Variants in ESRRB observed in about 807,000 individuals in gnomAD.
ESRRB encodes the protein steroid hormone receptor ERR2.
A neutral mutation model predicts 46.0 loss-of-function variants in ESRRB; 16 were observed. The observed-to-expected ratio is 0.35, with a 90% CI of 0.24 to 0.53. ESRRB has a LOEUF of 0.53. ESRRB is among the 20% of genes least tolerant of loss of function. The probability of loss-of-function intolerance (pLI) is 0.93; values close to 1 mark genes in which losing one functional copy is unlikely to be tolerated. For missense variants in ESRRB, 488 were observed against 607.4 expected (o/e 0.80, Z 2.07); for synonymous variants, 246 against 259.6 (o/e 0.95, Z 0.50).
chr14:76,332,553 TA>T, intron 1 of ESRRB, among the ~76,000 whole-genome samples: 1 of 62,520 alleles, frequency 1.6e-5, no homozygotes, highest in African/African-American at 6.2e-5. Flanking sequence ...TATATTTATA[TA>T]ATATATATTT....
intron 2 of ESRRB, 49 bp from the exon 3 acceptor site, chr14:76,462,490 AGGTGGG>A: frequency 7.4e-7 from 1 of 1,360,266 alleles, no homozygotes; most frequent in South Asian, 1.2e-5. Flanking sequence ...CTGCGCTGGC[AGGTGGG>A]GGCCCTGGGC....
chr14:76,336,457 G>A (rs148080389), intron 1 of ESRRB, among the ~76,000 whole-genome samples: 425 of 152,350 alleles, frequency 2.8e-3, no homozygotes, highest in Non-Finnish European at 3.8e-3. Flanking sequence ...GGGCAGAAAG[G>A]CCCATGACCT....
chr14:76,324,395 A>G (rs1421131531), intron 1 of ESRRB, among the ~76,000 whole-genome samples: 1 of 152,128 alleles, frequency 6.6e-6, no homozygotes, highest in Non-Finnish European at 1.5e-5. Context: ...TGCAGCTGTT[A>G]GCAGCTGGGG....
intron 1 of ESRRB, among the ~76,000 whole-genome samples, chr14:76,433,755 C>A (rs561787592): frequency 1.3e-5 from 2 of 152,230 alleles, no homozygotes; most frequent in African/African-American, 2.4e-5. Flanking sequence ...TGTCCCCAGA[C>A]ACTTCCTGAC....
chr14:76,423,426 G>A (rs1017637807), intron 1 of ESRRB, among the ~76,000 whole-genome samples: 1 of 152,164 alleles, frequency 6.6e-6, no homozygotes, highest in African/African-American at 2.4e-5. Flanking sequence ...TTACAGGCGT[G>A]AGCCACCGCG....
At chr14:76,440,971 C>T (rs1048058164) in intron 2 of ESRRB, among the ~76,000 whole-genome samples, 1 of 152,180 alleles carries the variant, frequency 6.6e-6, no homozygotes, top group Non-Finnish European at 1.5e-5. Flanking sequence ...TCGCTTGAAC[C>T]CGGGAGGTGG....
intron 1 of ESRRB, among the ~76,000 whole-genome samples, chr14:76,407,770 G>A (rs1886252580): frequency 6.6e-6 from 1 of 152,238 alleles, no homozygotes; most frequent in African/African-American, 2.4e-5. Context: ...GGGGGACAGA[G>A]GTGCTGGCAC....
chr14:76,351,765 T>TAAACCAACAAGAAAC (rs1335509063), intron 1 of ESRRB, among the ~76,000 whole-genome samples: 7 of 152,036 alleles, frequency 4.6e-5, no homozygotes, highest in African/African-American at 1.7e-4. Context: ...CCTCTTCTCA[T>TAAACCAACAAGAAAC]AAACCAACAA....
intron 6 of ESRRB, among the ~76,000 whole-genome samples, chr14:76,496,566 G>A (rs974245255): frequency 6.6e-6 from 1 of 152,170 alleles, no homozygotes; most frequent in African/African-American, 2.4e-5. Context: ...GTACAGGGAG[G>A]CAGGAAGGGT....
chr14:76,382,143 G>A (rs918500295), intron 1 of ESRRB, among the ~76,000 whole-genome samples: 1 of 152,206 alleles, frequency 6.6e-6, no homozygotes, highest in Non-Finnish European at 1.5e-5. Context: ...TTCCACCGTG[G>A]GAAACCTGTG....
chr14:76,440,320 T>G (rs1260034051), intron 2 of ESRRB, among the ~76,000 whole-genome samples: 1 of 152,050 alleles, frequency 6.6e-6, no homozygotes, highest in Non-Finnish European at 1.5e-5. Context: ...ATTTTTAAAT[T>G]AATGCATGGT....
At chr14:76,360,524 T>A (rs1884450378) in intron 1 of ESRRB, among the ~76,000 whole-genome samples, 1 of 152,152 alleles carries the variant, frequency 6.6e-6, no homozygotes, top group South Asian at 2.1e-4. Context: ...TGGGCAAGTA[T>A]GCAAACCTTC....
chr14:76,380,155 T>A (rs995880075), intron 1 of ESRRB, among the ~76,000 whole-genome samples: 3 of 152,268 alleles, frequency 2.0e-5, no homozygotes, highest in Middle Eastern at 3.4e-3. Context: ...TTAAAGATAA[T>A]CTAAACTCAT....
rs144356184 is a variant in ESRRB at position 76,403,235 on chromosome 14, G to T, written c.50+26784G>T. Among the ~76,000 whole-genome samples the T allele has an allele frequency of 2.0e-4, 31 of 152,256 alleles. No individual in the cohort carries two copies. In the East Asian group the frequency reaches 5.0e-3, roughly 25 times the overall value. ...TCTCATTTTACAGATAAAGAAATAC[G>T]CACAGAGTTGTGTGACTTTCTCACA... On this transcript the variant is annotated intron_variant, in intron 1 of 6. Transcript: ENST00000644823.
intron 1 of ESRRB, among the ~76,000 whole-genome samples, chr14:76,387,066 A>ACAGGAGGCTGACCCTTGTGAGGGTCTCC (rs1885261676): frequency 6.6e-6 from 1 of 152,146 alleles, no homozygotes; most frequent in African/African-American, 2.4e-5. Flanking sequence ...CCACACAAGG[A>ACAGGAGGCTGACCCTTGTGAGGGTCTCC]CAGGAGGCTG....
chr14:76,439,800 C>G (rs749286499), intron 2 of ESRRB, 50 bp downstream of exon 2: 2 of 1,594,806 alleles, frequency 1.3e-6, no homozygotes, highest in Admixed American at 3.4e-5. Flanking sequence ...GGGTGGCAGC[C>G]GTGCCTGCGG....
chr14:76,483,727 A>G (rs572914096), intron 5 of ESRRB, among the ~76,000 whole-genome samples: 12 of 152,220 alleles, frequency 7.9e-5, no homozygotes, highest in Non-Finnish European at 1.6e-4. Context: ...ATGACCCACC[A>G]TGAACATGGG....
chr14:76,481,529 CAG>C (rs1185987226), intron 3 of ESRRB, among the ~76,000 whole-genome samples: 5 of 152,218 alleles, frequency 3.3e-5, no homozygotes, highest in African/African-American at 1.2e-4. Flanking sequence ...GCTAGAACCT[CAG>C]AGAGTGGGGT....
chr14:76,447,836 G>A (rs1888216586), intron 2 of ESRRB, among the ~76,000 whole-genome samples: 1 of 152,162 alleles, frequency 6.6e-6, no homozygotes, highest in South Asian at 2.1e-4. Flanking sequence ...GGCCACCGCT[G>A]ACTCCCACCG....
Sources: gnomAD v4.1 joint callset for allele counts (sites outside exome capture counted in the v4.1 genomes callset) on GRCh38, gnomAD v4.1.1 for gene constraint, MANE v1.5 for transcripts, NCBI Gene and HGNC (gene_info 2026-07-23, HGNC 2026-07-21) for gene names.